The following ZNF385D variants were observed in gnomAD, a reference collection of about 807,000 sequenced individuals.
ZNF385D encodes zinc finger protein 385D, also known as zinc finger protein 659.
A neutral mutation model predicts 35.8 loss-of-function variants in ZNF385D; 15 were observed. The ratio of observed to expected loss-of-function variants is 0.42; its 90% confidence interval spans 0.28 to 0.64. The LOEUF is 0.64. Ranked by LOEUF, ZNF385D falls within the 30% of genes least tolerant of loss-of-function variation. The pLI is 0.23. For missense variants in ZNF385D, 474 were observed against 494.6 expected, an observed-to-expected ratio of 0.96 and a Z score of 0.39; for synonymous variants, 212 against 186.8, an observed-to-expected ratio of 1.13 and a Z score of -1.10.
intron 4 of ZNF385D, among the ~76,000 whole-genome samples, chr3:21,448,392 T>G (rs1702269110): frequency 6.6e-6 from 1 of 152,134 alleles, no homozygotes; most frequent in African/African-American, 2.4e-5. Context: ...AAAACAGCAA[T>G]GTATTATTAT....
At chr3:21,515,298 C>T (rs1707487544) in intron 3 of ZNF385D, among the ~76,000 whole-genome samples, 1 of 152,128 alleles carries the variant, frequency 6.6e-6, no homozygotes, top group South Asian at 2.1e-4. Context: ...TCCATTAGCA[C>T]CAATACCTTG....
chr3:21,730,297 C>G (rs532082992), intron 1 of ZNF385D, among the ~76,000 whole-genome samples: 2 of 152,328 alleles, frequency 1.3e-5, no homozygotes, highest in Admixed American at 6.5e-5. Flanking sequence ...GACCTGGAAT[C>G]TGAAACAGTT....
In ZNF385D at chr3:21,732,412, A is replaced by G. The variant is rs113272202; in HGVS notation, c.22+18483T>C. On this transcript the variant is annotated intron_variant, in intron 1 of 7. Coordinates refer to ENST00000281523, the MANE Select transcript of ZNF385D (RefSeq NM_024697.3). ...TTCTTCAGGGTAAATACCAAGAAAG[A>G]TGATTCCTGGATCATATGGTAAAAA... Among the ~76,000 whole-genome samples, 761 of 152,212 alleles carry G rather than the reference A, an allele frequency of 5.0e-3. 12 individuals carry two copies. The highest frequency in any genetic ancestry group is 0.018 in the African/African-American group (733 of 41,520).
chr3:21,614,738 GC>G (rs1438460164), intron 2 of ZNF385D, among the ~76,000 whole-genome samples: 1 of 152,178 alleles, frequency 6.6e-6, no homozygotes, highest in Non-Finnish European at 1.5e-5. Flanking sequence ...GCAGGCGAAT[GC>G]CACCTCGCCC....
chr3:21,846,454 T>G (rs1017297807), intron 3 of ZNF385D, among the ~76,000 whole-genome samples: 11 of 152,038 alleles, frequency 7.2e-5, no homozygotes. Context: ...TCCTGATCTT[T>G]TCTATGGTCT....
chr3:21,989,078 G>A (rs897556858), intron 3 of ZNF385D, among the ~76,000 whole-genome samples: 5 of 152,070 alleles, frequency 3.3e-5, no homozygotes, highest in African/African-American at 7.2e-5. Context: ...AGATGAACCC[G>A]GTACCTCAGA....
At chr3:21,814,737 G>A (rs1265506784) in intron 3 of ZNF385D, among the ~76,000 whole-genome samples, 1 of 152,124 alleles carries the variant, frequency 6.6e-6, no homozygotes, top group Non-Finnish European at 1.5e-5. Flanking sequence ...AATAATGGGA[G>A]ACTTTAACAC....
At position 22,367,071 on chromosome 3, in the gene ZNF385D, A is replaced by G. The variant is rs1696689946; in HGVS notation, c.106+5379T>C. On this transcript the variant is annotated intron_variant, in intron 2 of 5. Coordinates refer to the ZNF385D transcript ENST00000494108. ...GAAAGAATATATTCTTATTGTTTTA[A>G]GCCTCCAATTTATAGCAATCTTGGT... Among the ~76,000 whole-genome samples, 3 of 152,204 alleles carry G rather than the reference A, an allele frequency of 2.0e-5. No homozygotes were observed. The South Asian group carries it at 6.2e-4, about 32-fold the overall frequency.
chr3:22,234,286 C>G (rs1274586373), intron 2 of ZNF385D, among the ~76,000 whole-genome samples: 2 of 152,082 alleles, frequency 1.3e-5, no homozygotes, highest in African/African-American at 4.8e-5. Flanking sequence ...ATCAGATTGT[C>G]TTAAATGCAA....
chr3:21,509,197 G>A (rs1707016960), intron 4 of ZNF385D, among the ~76,000 whole-genome samples: 1 of 152,042 alleles, frequency 6.6e-6, no homozygotes. Context: ...ATGAATTGTT[G>A]ATTTAAAAAG....
At chr3:22,163,889 AC>A in intron 3 of ZNF385D, among the ~76,000 whole-genome samples, 1 of 146,934 alleles carries the variant, frequency 6.8e-6, no homozygotes, top group Admixed American at 6.7e-5. Context: ...TTTCTAAATA[AC>A]CTAAAAAGGA....
intron 3 of ZNF385D, among the ~76,000 whole-genome samples, chr3:21,877,007 T>C (rs937868333): frequency 7.9e-5 from 12 of 152,188 alleles, no homozygotes; most frequent in African/African-American, 2.6e-4. Flanking sequence ...TAAAGCTCAG[T>C]TTAATTTCTA....
At chr3:22,254,450 C>T (rs1000452321) in intron 2 of ZNF385D, among the ~76,000 whole-genome samples, 3 of 151,708 alleles carry the variant, frequency 2.0e-5, no homozygotes, top group African/African-American at 4.8e-5. Context: ...ATTTTTTGAC[C>T]TAGCAAGTAT....
At chr3:21,946,795 G>A (rs1400548347) in intron 3 of ZNF385D, among the ~76,000 whole-genome samples, 1 of 152,188 alleles carries the variant, frequency 6.6e-6, no homozygotes, top group Non-Finnish European at 1.5e-5. Flanking sequence ...TTGCGCTACT[G>A]CACTCCAGCC....
At chr3:22,162,540 C>T (rs1220236856) in intron 3 of ZNF385D, among the ~76,000 whole-genome samples, 2 of 152,086 alleles carry the variant, frequency 1.3e-5, no homozygotes, top group African/African-American at 4.8e-5. Context: ...TCTGAGTTTA[C>T]TTGAGAGATT....
At chr3:21,862,221 T>G (rs185374907) in intron 3 of ZNF385D, among the ~76,000 whole-genome samples, 68 of 152,102 alleles carry the variant, frequency 4.5e-4, no homozygotes, top group African/African-American at 1.6e-3. Flanking sequence ...ATTTAAGTGA[T>G]TAGGGATAGA....
intron 3 of ZNF385D, among the ~76,000 whole-genome samples, chr3:22,087,351 G>A (rs779074929): frequency 6.6e-6 from 1 of 151,882 alleles, no homozygotes. Context: ...AACACTCAGA[G>A]AAATAAAAAG....
intron 1 of ZNF385D, among the ~76,000 whole-genome samples, chr3:21,670,183 G>A (rs1416768333): frequency 3.3e-5 from 5 of 151,734 alleles, no homozygotes; most frequent in African/African-American, 1.2e-4. Flanking sequence ...TTTCCTGATA[G>A]GATCATTTCT....
intron 3 of ZNF385D, among the ~76,000 whole-genome samples, chr3:21,757,505 T>C (rs1372200956): frequency 1.3e-5 from 2 of 152,174 alleles, no homozygotes; most frequent in African/African-American, 2.4e-5. Context: ...CTTTTTATTA[T>C]ATTTAATAAC....
Sources: allele counts gnomAD v4.1 joint callset (sites outside exome capture counted in the v4.1 genomes callset), GRCh38; gene constraint gnomAD v4.1.1; transcripts MANE v1.5; gene names NCBI Gene and HGNC (gene_info 2026-07-23, HGNC 2026-07-21).